DIS3L2: variants seen among roughly 807,000 people sequenced by gnomAD.
DIS3L2 encodes the protein DIS3-like exonuclease 2.
Under a neutral mutation model 97.5 loss-of-function variants are expected in DIS3L2, and 34 were observed. The observed-to-expected ratio is 0.35, with a 90% confidence interval of 0.27 to 0.46. DIS3L2 has a LOEUF of 0.46. Among genes scored for constraint, DIS3L2 ranks in the 20% least tolerant of loss-of-function variants. The pLI is 1.00. For synonymous variants in DIS3L2, 435 were observed against 445.2 expected, an observed-to-expected ratio of 0.98 and a Z score of 0.29; for missense variants, 1,038 against 1,146.0, an observed-to-expected ratio of 0.91 and a Z score of 1.36.
At chr2:231,967,569 G>A (rs1281010678) in intron 1 of DIS3L2, among the ~76,000 whole-genome samples, 1 of 152,030 alleles carries the variant, frequency 6.6e-6, no homozygotes, top group African/African-American at 2.4e-5. Context: ...TATTATTTTT[G>A]TTTAATCCTT....
At chr2:231,994,588 A>G (rs2106195296) in intron 1 of DIS3L2, among the ~76,000 whole-genome samples, 1 of 152,268 alleles carries the variant, frequency 6.6e-6, no homozygotes, top group East Asian at 1.9e-4. Flanking sequence ...AGTTACATAC[A>G]TTGAAAACCA....
chr2:232,173,586 A>G (rs890938856), intron 9 of DIS3L2, among the ~76,000 whole-genome samples: 2 of 152,172 alleles, frequency 1.3e-5, no homozygotes, highest in African/African-American at 4.8e-5. Flanking sequence ...TTTATGATCC[A>G]TTTTTAGTTA....
chr2:232,290,613 A>C (rs1292330334), intron 13 of DIS3L2, among the ~76,000 whole-genome samples: 2 of 152,176 alleles, frequency 1.3e-5, no homozygotes, highest in Non-Finnish European at 2.9e-5. Flanking sequence ...CCAAAGACAG[A>C]CGTTTTTTCT....
intron 14 of DIS3L2, among the ~76,000 whole-genome samples, chr2:232,300,416 C>T (rs969464849): frequency 2.6e-5 from 4 of 152,146 alleles, no homozygotes; most frequent in African/African-American, 9.7e-5. Context: ...TCTTGGTCTC[C>T]AGTCATGTGC....
In DIS3L2 at chr2:232,335,845, G is replaced by A. The variant is rs1373776583; in HGVS notation, c.2467G>A (p.Glu823Lys). The A allele has an allele frequency of 1.3e-6, 2 of 1,550,742 alleles. No individual in the cohort carries two copies. Among genetic ancestry groups the A allele is most frequent in the Non-Finnish European group, 8.7e-7 (1 of 1,147,054 alleles). ...GGAACTCACGCTGGTCTGGGAGCCT[G>A]AGGACATGGAGCAGGAGCCAGCACA... ...KPELTLVWEP[E>K]DMEQEPAQQV... Residue 823 changes from glutamate (E) to lysine (K), a missense_variant, in exon 20 of 21, where the codon GAG (glutamate) becomes AAG (lysine). Glu to Lys is a moderately conservative substitution (Grantham distance 56). Transcript: ENST00000325385.
chr2:232,265,279 G>A (rs1190405788), intron 13 of DIS3L2, among the ~76,000 whole-genome samples: 1 of 151,836 alleles, frequency 6.6e-6, no homozygotes, highest in Non-Finnish European at 1.5e-5. Context: ...ACCACTTTAG[G>A]GTTGGCATTC....
chr2:232,342,586 T>G (rs575410277), intron 13 of DIS3L2, among the ~76,000 whole-genome samples: 284 of 152,370 alleles, frequency 1.9e-3, no homozygotes, highest in African/African-American at 6.4e-3. Flanking sequence ...TTCCAAGGCT[T>G]CTTGTACATT....
At chr2:232,045,951 A>T (rs1695231097) in intron 5 of DIS3L2, among the ~76,000 whole-genome samples, 1 of 152,086 alleles carries the variant, frequency 6.6e-6, no homozygotes, top group South Asian at 2.1e-4. Context: ...CTGGGATTAC[A>T]GGCGTGAGCC....
intron 12 of DIS3L2, among the ~76,000 whole-genome samples, chr2:232,251,022 C>T (rs541807360): frequency 6.6e-5 from 10 of 152,120 alleles, no homozygotes; most frequent in Non-Finnish European, 1.5e-4. Flanking sequence ...AGAGACAACC[C>T]GAGGGAAGCT....
chr2:232,137,968 C>G (rs1218460790), intron 8 of DIS3L2, among the ~76,000 whole-genome samples: 1 of 152,160 alleles, frequency 6.6e-6, no homozygotes, highest in East Asian at 1.9e-4. Context: ...CCACCTGGTC[C>G]TGTTGATTGT....
chr2:232,238,513 T>A lies in DIS3L2; in HGVS notation c.1205-20T>A. 1 of 1,606,880 alleles carries A rather than the reference T, an allele frequency of 6.2e-7. No homozygotes were observed. Among genetic ancestry groups the A allele is most frequent in the Non-Finnish European group, 8.5e-7 (1 of 1,174,046 alleles). On this transcript the variant is annotated intron_variant, in intron 10 of 20. Transcript: ENST00000325385. ...GTGGCCTTCCACGCCAGCCTGATAG[T>A]CCTTCTCGTGCATTTACAGGCAACT...
At chr2:231,966,641 ATTTTTTTTTTTTTTT>A (rs36151054) in intron 1 of DIS3L2, among the ~76,000 whole-genome samples, 1,181 of 50,530 alleles carry the variant, frequency 0.023, 25 homozygotes, top group African/African-American at 0.073. Context: ...GTTAAAAAAC[ATTTTTTTTTTTTTTT>A]TTTTTTTTTT....
At chr2:232,230,060 C>T (rs866187798) in intron 10 of DIS3L2, among the ~76,000 whole-genome samples, 1 of 152,128 alleles carries the variant, frequency 6.6e-6, no homozygotes, top group Non-Finnish European at 1.5e-5. Flanking sequence ...ACCATCACCA[C>T]GTCATGGCCA....
At chr2:232,343,217 C>T in intron 13 of DIS3L2, 1 of 763,082 alleles carries the variant, frequency 1.3e-6, no homozygotes, top group Admixed American at 2.4e-5. Context: ...CACAAAAAGG[C>T]CATGCTGTAT....
chr2:232,254,956 C>G (rs1334565378), intron 12 of DIS3L2, among the ~76,000 whole-genome samples: 2 of 152,190 alleles, frequency 1.3e-5, no homozygotes, highest in African/African-American at 4.8e-5. Flanking sequence ...ACACCCTGCC[C>G]AGACCAAGCG....
At chr2:232,217,918 T>A (rs1276356379) in intron 10 of DIS3L2, among the ~76,000 whole-genome samples, 1 of 152,208 alleles carries the variant, frequency 6.6e-6, no homozygotes, top group Admixed American at 6.5e-5. Context: ...AAGCGTTTGA[T>A]CTCAGTGACA....
intron 14 of DIS3L2, among the ~76,000 whole-genome samples, chr2:232,324,253 GA>G (rs1192728005): frequency 5.9e-5 from 9 of 152,222 alleles, no homozygotes; most frequent in African/African-American, 2.2e-4. Flanking sequence ...CCCAAGTGTG[GA>G]AAATTTGGTC....
intron 4 of DIS3L2, among the ~76,000 whole-genome samples, 198 bp downstream of exon 4, chr2:232,024,528 C>G (rs145337538): frequency 6.6e-6 from 1 of 152,144 alleles, no homozygotes; most frequent in Non-Finnish European, 1.5e-5. Context: ...AAATCGCATG[C>G]CAAATGAAAG....
exon 14 of DIS3L2, chr2:232,343,586 G>A: frequency 6.3e-7 from 1 of 1,575,160 alleles, no homozygotes; most frequent in Non-Finnish European, 8.6e-7. Context: ...AGAAGCATGT[G>A]GAATTCCTTG....
Sources: allele counts gnomAD v4.1 joint callset (sites outside exome capture counted in the v4.1 genomes callset), GRCh38; gene constraint gnomAD v4.1.1; transcripts MANE v1.5; gene names NCBI Gene and HGNC (gene_info 2026-07-23, HGNC 2026-07-21).